The following RTN4RL1 variants were observed in gnomAD, a reference collection of about 807,000 sequenced individuals.
The protein encoded by RTN4RL1 is reticulon 4 receptor like 1.
In RTN4RL1, 7 loss-of-function variants were observed where a neutral mutation model predicts 25.6. The observed-to-expected ratio is 0.27, with a 90% CI of 0.16 to 0.51. RTN4RL1 has a LOEUF of 0.51. RTN4RL1 is among the 20% of genes least tolerant of loss of function. The probability of loss-of-function intolerance (pLI) is 0.97; values close to 1 mark genes in which losing one functional copy is unlikely to be tolerated. For missense variants in RTN4RL1, 500 were observed against 615.6 expected, an observed-to-expected ratio of 0.81 and a Z score of 1.99; for synonymous variants, 297 against 288.2, an observed-to-expected ratio of 1.03 and a Z score of -0.31.
At chr17:1,991,471 A>C (rs1458398914) in intron 1 of RTN4RL1, among the ~76,000 whole-genome samples, 2 of 151,340 alleles carry the variant, frequency 1.3e-5, no homozygotes, top group East Asian at 1.9e-4. Context: ...AAACAAAAAA[A>C]AACTTCAAAG....
At position 2,012,700 on chromosome 17, in the gene RTN4RL1, C is replaced by A. The variant is rs552482737; in HGVS notation, c.13+12153G>T. On this transcript the variant is annotated intron_variant, in intron 1 of 1. Transcript: ENST00000331238. The stretch of plus-strand genomic sequence containing the variant: ...AGTTTCTTGTGGTCCAACCTATGTA[C>A]AATCATTCAATCAACATTTATTAGC... 2.6e-5 allele frequency among the ~76,000 whole-genome samples: 4 copies of A among 152,014 alleles called. No homozygotes were observed. The East Asian group carries it at 5.8e-4, about 22-fold the overall frequency.
intron 1 of RTN4RL1, among the ~76,000 whole-genome samples, chr17:2,004,701 A>C (rs1370298790): frequency 6.6e-6 from 1 of 152,254 alleles, no homozygotes; most frequent in East Asian, 1.9e-4. Context: ...GGTTCAGGAC[A>C]GAGCAAGGAT....
intron 1 of RTN4RL1, among the ~76,000 whole-genome samples, chr17:2,002,766 G>C (rs894626640): frequency 2.6e-5 from 4 of 152,130 alleles, no homozygotes; most frequent in South Asian, 2.1e-4. Flanking sequence ...GTTCCCAGTG[G>C]GGGGCAGAGG....
chr17:1,947,379 T>C (rs1057404769), intron 1 of RTN4RL1, among the ~76,000 whole-genome samples: 1 of 152,184 alleles, frequency 6.6e-6, no homozygotes, highest in Non-Finnish European at 1.5e-5. Context: ...CCGGCCCCCT[T>C]CACCCTGCAG....
chr17:1,995,737 C>A (rs1217039834), intron 1 of RTN4RL1: 1 of 152,238 alleles, frequency 6.6e-6, no homozygotes, highest in Non-Finnish European at 1.5e-5. Context: ...CTAATTGGTT[C>A]GAATCGATTG....
At position 1,936,357 on chromosome 17, in the gene RTN4RL1, A is replaced by G; in HGVS notation, c.*139T>C. 4.2e-6 allele frequency: 6 copies of G among 1,437,824 alleles called. No individual in the cohort carries two copies. The highest frequency in any genetic ancestry group is 5.4e-6 in the Non-Finnish European group (6 of 1,101,818). The allele number at this position is 1,437,824 out of a possible 1,614,324, so 89.1% of individuals were successfully genotyped here. A position where few individuals can be genotyped will look rare whatever the true frequency, so the allele number is the denominator to read the frequency against. The stretch of plus-strand genomic sequence containing the variant: ...GTTTATAATCCACATGGCAGGGTCC[A>G]GACGTCCAGACAGCAGCCGAAGGCT... On this transcript the variant is annotated 3_prime_UTR_variant, in exon 2 of 2. Coordinates refer to ENST00000331238, the MANE Select transcript of RTN4RL1 (RefSeq NM_178568.4).
At chr17:1,946,243 C>T (rs997940227) in intron 1 of RTN4RL1, among the ~76,000 whole-genome samples, 2 of 152,216 alleles carry the variant, frequency 1.3e-5, no homozygotes, top group African/African-American at 4.8e-5. Flanking sequence ...CCAGGTCATT[C>T]AGGTCAGGCA....
intron 1 of RTN4RL1, among the ~76,000 whole-genome samples, chr17:1,985,742 C>T (rs1166950105): frequency 6.6e-6 from 1 of 152,088 alleles, no homozygotes; most frequent in Non-Finnish European, 1.5e-5. Context: ...AGGTGCTCTG[C>T]CAATGGAATC....
chr17:1,979,824 C>A (rs12603666), intron 1 of RTN4RL1, among the ~76,000 whole-genome samples: 25,400 of 152,216 alleles, frequency 0.17, 2,509 homozygotes, highest in Middle Eastern at 0.26. Flanking sequence ...CTCCTCCTCC[C>A]CCCTTGACTG....
chr17:2,008,789 T>A (rs558399922), intron 1 of RTN4RL1, among the ~76,000 whole-genome samples: 2 of 152,030 alleles, frequency 1.3e-5, no homozygotes, highest in African/African-American at 4.8e-5. Flanking sequence ...GTCAAGCCTC[T>A]CTTCCTCTCA....
At chr17:1,968,022 C>T (rs1365959435) in intron 1 of RTN4RL1, among the ~76,000 whole-genome samples, 1 of 152,150 alleles carries the variant, frequency 6.6e-6, no homozygotes, top group Non-Finnish European at 1.5e-5. Context: ...GACACAACGC[C>T]CACCCGGGAC....
chr17:1,974,181 A>G (rs1421237716), intron 1 of RTN4RL1, among the ~76,000 whole-genome samples: 1 of 152,186 alleles, frequency 6.6e-6, no homozygotes, highest in Non-Finnish European at 1.5e-5. Context: ...TTACAAAAAA[A>G]TACAACAAAT....
intron 1 of RTN4RL1, among the ~76,000 whole-genome samples, chr17:1,938,426 T>G (rs760556056): frequency 1.1e-4 from 16 of 151,790 alleles, no homozygotes; most frequent in Admixed American, 5.3e-4. Context: ...CTCAGCCTCC[T>G]GAGTAGCTGG....
At chr17:1,951,514 C>A (rs1049184942) in intron 1 of RTN4RL1, among the ~76,000 whole-genome samples, 21 of 151,696 alleles carry the variant, frequency 1.4e-4, no homozygotes, top group African/African-American at 4.8e-4. Flanking sequence ...TGCAGTGGTG[C>A]GATCTCGGCT....
chr17:1,947,793 T>C (rs1485508446), intron 1 of RTN4RL1, among the ~76,000 whole-genome samples: 1 of 152,120 alleles, frequency 6.6e-6, no homozygotes, highest in Non-Finnish European at 1.5e-5. Context: ...CTCTGACAGC[T>C]CTGGACCCAC....
Position 1,998,040 on chromosome 17 carries a change from C to CCCGCCT in RTN4RL1, c.13+26807_13+26812dup, listed in dbSNP as rs2066937538. On this transcript the variant is annotated intron_variant, in intron 1 of 1. Transcript: ENST00000331238. The surrounding 1 kb of genome is among the most constrained non-coding windows in gnomAD (Gnocchi z 4.9). ...GGGTGCCGGGCGCCCCACCCCCACC[C>CCCGCCT]CCGCCTCCGCCCCAGGCCGCGATCG... 6.6e-6 allele frequency among the ~76,000 whole-genome samples: 1 copy of CCCGCCT among 152,162 alleles called. No homozygotes were observed.
At chr17:1,940,559 G>C (rs1330031577) in intron 1 of RTN4RL1, among the ~76,000 whole-genome samples, 1 of 152,104 alleles carries the variant, frequency 6.6e-6, no homozygotes, top group Non-Finnish European at 1.5e-5. Context: ...CAGCCTGCAG[G>C]GGGAGGCAGG....
Position 1,936,731 on chromosome 17 carries a change from T to C in RTN4RL1, c.1091A>G (p.Gln364Arg). Residue 364 changes from glutamine to arginine, a missense_variant, in exon 2 of 2, where the codon CAG becomes CGG. By Grantham distance (43) the Gln-to-Arg change is conservative (BLOSUM62 1). Transcript: ENST00000331238. ...KNCTNPRNRNQISKAGAGKQA... is the reference protein window; with the variant it reads ...KNCTNPRNRNRISKAGAGKQA... ...TTTCCCGGCGCCCGCCTTAGAGATC[T>C]GATTGCGGTTCCTGGGGTTGGTGCA... 1 of 1,593,946 alleles carries C rather than the reference T, an allele frequency of 6.3e-7. No homozygotes were observed. The highest frequency in any genetic ancestry group is 8.5e-7 in the Non-Finnish European group (1 of 1,171,860).
At chr17:1,989,748 A>G (rs2066901628) in intron 1 of RTN4RL1, among the ~76,000 whole-genome samples, 1 of 151,738 alleles carries the variant, frequency 6.6e-6, no homozygotes, top group Non-Finnish European at 1.5e-5. Context: ...TAATTTTTGT[A>G]TTTTTAGTAG....
Sources: gnomAD v4.1 joint callset for allele counts (sites outside exome capture counted in the v4.1 genomes callset) on GRCh38, gnomAD v4.1.1 for gene constraint, Gnocchi (gnomAD v3.1) non-coding constraint, MANE v1.5 for transcripts, NCBI Gene and HGNC (gene_info 2026-07-23, HGNC 2026-07-21) for gene names.